The following GREB1L variants were observed in gnomAD, a reference collection of about 807,000 sequenced individuals.
GREB1L encodes GREB1 like retinoic acid receptor coactivator, also known as GREB1-like protein.
Under a neutral mutation model 200.8 loss-of-function variants are expected in GREB1L, and 17 were observed. That is an observed-to-expected ratio of 0.08 (90% confidence interval 0.06 to 0.13). The LOEUF is 0.13. Among genes scored for constraint, GREB1L ranks in the 10% least tolerant of loss-of-function variants. The pLI is 1.00. For synonymous variants in GREB1L, 789 were observed against 893.0 expected, an observed-to-expected ratio of 0.88 and a Z score of 2.08; for missense variants, 1,657 against 2,367.7, an observed-to-expected ratio of 0.70 and a Z score of 6.23.
chr18:21,328,961 G>A (rs1407631162), intron 1 of GREB1L, among the ~76,000 whole-genome samples: 1 of 152,106 alleles, frequency 6.6e-6, no homozygotes, highest in African/African-American at 2.4e-5. Context: ...GAAATGTGGG[G>A]GAGCTGGGAT....
chr18:21,481,729 G>A (rs2035931364), intron 17 of GREB1L, among the ~76,000 whole-genome samples: 1 of 151,956 alleles, frequency 6.6e-6, no homozygotes, highest in African/African-American at 2.4e-5. Flanking sequence ...TTATATAAAT[G>A]GAAACATGGA....
chr18:21,310,360 A>G (rs955973140), intron 1 of GREB1L, among the ~76,000 whole-genome samples: 3 of 152,236 alleles, frequency 2.0e-5, no homozygotes, highest in African/African-American at 7.2e-5. Flanking sequence ...ACTTGAGCCC[A>G]AAAGCTCAAG....
intron 1 of GREB1L, among the ~76,000 whole-genome samples, chr18:21,332,427 C>T (rs1473742349): frequency 2.0e-5 from 3 of 151,442 alleles, no homozygotes; most frequent in African/African-American, 7.3e-5. Context: ...CCTGTACCTA[C>T]AAAACAAACC....
chr18:21,426,437 C>T (rs971674530), intron 7 of GREB1L, among the ~76,000 whole-genome samples: 2 of 152,160 alleles, frequency 1.3e-5, no homozygotes, highest in Non-Finnish European at 2.9e-5. Context: ...GTCACAAAAC[C>T]ATTTGTTAAG....
Position 21,499,134 on chromosome 18 carries a change from T to G in GREB1L, c.3392-595T>G, listed in dbSNP as rs1261120096. Among the ~76,000 whole-genome samples, 3 of 152,224 alleles carry G rather than the reference T, an allele frequency of 2.0e-5. No homozygotes were observed. The East Asian group carries it at 5.8e-4, about 29-fold the overall frequency. Reference sequence around the variant, plus strand: ...TCGGAGTCCATGGAAGGGGTTGCAGTCTGGGGAGCTGATCTGAAGCCAGAG... The same window carrying G: ...TCGGAGTCCATGGAAGGGGTTGCAGGCTGGGGAGCTGATCTGAAGCCAGAG... On this transcript the variant is annotated intron_variant, in intron 21 of 32. Transcript: ENST00000424526.
chr18:21,257,402 C>T (rs1160321802), intron 1 of GREB1L, among the ~76,000 whole-genome samples: 1 of 152,104 alleles, frequency 6.6e-6, no homozygotes, highest in Admixed American at 6.5e-5. Context: ...AAAATACTAA[C>T]TGTGGTATTT....
intron 1 of GREB1L, among the ~76,000 whole-genome samples, chr18:21,287,844 G>A (rs935921665): frequency 6.6e-6 from 1 of 150,724 alleles, no homozygotes; most frequent in African/African-American, 2.4e-5. Flanking sequence ...GCCCAGGCTG[G>A]AGAGCAGTGG....
At chr18:21,284,241 A>G (rs969647148) in intron 1 of GREB1L, among the ~76,000 whole-genome samples, 3 of 152,218 alleles carry the variant, frequency 2.0e-5, no homozygotes, top group Non-Finnish European at 4.4e-5. Context: ...TTTTTAGTAT[A>G]ATTACAGAGT....
intron 1 of GREB1L, among the ~76,000 whole-genome samples, chr18:21,265,578 G>T (rs2037954118): frequency 6.6e-6 from 1 of 152,070 alleles, no homozygotes; most frequent in Admixed American, 6.6e-5. Flanking sequence ...CAGTCTATTT[G>T]GGGCACATAT....
At chr18:21,405,560 G>C (rs1163129339) in intron 7 of GREB1L, among the ~76,000 whole-genome samples, 1 of 152,176 alleles carries the variant, frequency 6.6e-6, no homozygotes, top group African/African-American at 2.4e-5. Context: ...TAGCACTTTG[G>C]GAGGCTGGGG....
Position 21,525,554 on chromosome 18 carries a change from A to AACAT in GREB1L, c.*2739_*2742dup, listed in dbSNP as rs10658296. The AACAT allele has an allele frequency of 7.4e-3, 1,125 of 152,326 alleles. 24 individuals carry two copies. The highest frequency in any genetic ancestry group is 0.026 in the African/African-American group (1,070 of 41,576). The allele number at this position is 152,326 out of a possible 1,614,324, so 9.4% of individuals were successfully genotyped here. ...CAACCAAGATTAAAGAGGTGTTGAA[A>AACAT]ACATACATAGTAGATACCAATCTTT... On this transcript the variant is annotated 3_prime_UTR_variant, in exon 33 of 33. Transcript: ENST00000424526.
intron 1 of GREB1L, among the ~76,000 whole-genome samples, chr18:21,324,354 T>G (rs943505470): frequency 3.9e-5 from 6 of 152,216 alleles, no homozygotes; most frequent in Non-Finnish European, 8.8e-5. Context: ...ACTCCCTATT[T>G]CTATGGTATA....
chr18:21,394,194 AC>A (rs2040947280), intron 4 of GREB1L, among the ~76,000 whole-genome samples: 1 of 152,154 alleles, frequency 6.6e-6, no homozygotes, highest in Admixed American at 6.5e-5. Context: ...TCATATGTCC[AC>A]CCTTGGACCA....
chr18:21,410,921 C>G (rs1380927486), intron 7 of GREB1L, among the ~76,000 whole-genome samples: 1 of 149,072 alleles, frequency 6.7e-6, no homozygotes, highest in African/African-American at 2.5e-5. Flanking sequence ...TTGCCACTGC[C>G]CTCCAGCCTG....
intron 5 of GREB1L, among the ~76,000 whole-genome samples, chr18:21,397,106 T>C (rs903739300): frequency 2.2e-4 from 33 of 152,168 alleles, no homozygotes; most frequent in African/African-American, 8.0e-4. Context: ...CTGCACACGC[T>C]TTATAGAAGT....
At chr18:21,442,463 T>C (rs1231747084) in intron 10 of GREB1L, among the ~76,000 whole-genome samples, 6 of 152,326 alleles carry the variant, frequency 3.9e-5, no homozygotes, top group Middle Eastern at 3.4e-3. Context: ...TTAAATGCTG[T>C]ATAGATTAGG....
chr18:21,523,724 G>A lies in GREB1L; in HGVS notation c.*903G>A, dbSNP rs934213170. The A allele has an allele frequency of 6.6e-6, 1 of 152,228 alleles. No homozygotes were observed. Among genetic ancestry groups the A allele is most frequent in the Non-Finnish European group, 1.5e-5 (1 of 68,040 alleles). 9.4% of individuals were successfully genotyped at this position (152,228 alleles called of 1,614,324 possible). A position where few individuals can be genotyped will look rare whatever the true frequency, so the allele number is the denominator to read the frequency against. ...TCAGGCTGAGGTTCTGTTGCAGAGTGAAACTAGTTTGTTTCCTTTCAGGGA... is the reference window on the plus strand; with the variant it reads ...TCAGGCTGAGGTTCTGTTGCAGAGTAAAACTAGTTTGTTTCCTTTCAGGGA... On this transcript the variant is annotated 3_prime_UTR_variant, in exon 33 of 33. Coordinates refer to ENST00000424526, the MANE Select transcript of GREB1L (RefSeq NM_001142966.3).
chr18:21,486,860 C>T (rs2036147813), intron 18 of GREB1L, among the ~76,000 whole-genome samples: 1 of 152,140 alleles, frequency 6.6e-6, no homozygotes, highest in African/African-American at 2.4e-5. Context: ...AGCTATAGTT[C>T]TTAGAATGGC....
chr18:21,346,113 G>A (rs2039341067), intron 1 of GREB1L, among the ~76,000 whole-genome samples: 1 of 152,088 alleles, frequency 6.6e-6, no homozygotes, highest in Non-Finnish European at 1.5e-5. Flanking sequence ...TAGGGGTGGA[G>A]AAAAGAAGCA....
Sources: allele counts gnomAD v4.1 joint callset (sites outside exome capture counted in the v4.1 genomes callset), GRCh38; gene constraint gnomAD v4.1.1; transcripts MANE v1.5; gene names NCBI Gene and HGNC (gene_info 2026-07-23, HGNC 2026-07-21).